Variants in DBP observed in about 807,000 individuals in gnomAD.
DBP encodes D-box binding PAR bZIP transcription factor.
In DBP, 12 loss-of-function variants were observed where a neutral mutation model predicts 21.4. The ratio of observed to expected loss-of-function variants is 0.56; its 90% confidence interval spans 0.36 to 0.91. The LOEUF (loss-of-function observed/expected upper bound fraction) is 0.91, where lower values mean the gene tolerates loss of function less well. Among genes scored for constraint, DBP ranks in the 40% least tolerant of loss-of-function variants. The probability of loss-of-function intolerance (pLI) is 0.01; values close to 1 mark genes in which losing one functional copy is unlikely to be tolerated. For missense variants in DBP, 423 were observed against 473.4 expected (o/e 0.89, Z 0.99); for synonymous variants, 213 against 224.9 (o/e 0.95, Z 0.47).
intron 3 of DBP, chr19:48,632,538 T>C (rs2030637240): frequency 1.3e-5 from 2 of 152,174 alleles, no homozygotes; most frequent in African/African-American, 4.8e-5. Flanking sequence ...GTGCTAGGAT[T>C]ACAGGCGTGA....
Position 48,630,202 on chromosome 19 carries a change from G to C in DBP, c.*635C>G, listed in dbSNP as rs1568437585. The C allele has an allele frequency of 2.4e-6, 3 of 1,253,856 alleles. No individual in the cohort carries two copies. The highest frequency in any genetic ancestry group is 1.5e-5 in the African/African-American group (1 of 64,618). 77.7% of individuals were successfully genotyped at this position (1,253,856 alleles called of 1,614,324 possible). ...CCCGCAGCCTCGCCCCATCCACTCC[G>C]GTGCCTCCATTTAGCTGGCCAATCA... On this transcript the variant is annotated 3_prime_UTR_variant, in exon 4 of 4. Transcript: ENST00000222122. The surrounding 1 kb of genome is among the most constrained non-coding windows in gnomAD (Gnocchi z 4.9).
chr19:48,634,212 G>C (rs1260275524), intron 2 of DBP: 1 of 160,752 alleles, frequency 6.2e-6, no homozygotes, highest in African/African-American at 2.4e-5. Flanking sequence ...AGTCATAACT[G>C]ACTTGCCCTA....
At position 48,630,689 on chromosome 19, in the gene DBP, T is replaced by C. The variant is rs1407747673; in HGVS notation, c.*148A>G. 7.0e-7 allele frequency: 1 copy of C among 1,421,376 alleles called. No homozygotes were observed. The highest frequency in any genetic ancestry group is 2.7e-5 in the Admixed American group (1 of 36,470). The allele number at this position is 1,421,376 out of a possible 1,614,324, so 88.0% of individuals were successfully genotyped here. ...CAAGGGAGGGGGGAGGCTCGCTTTT[T>C]CTTAAAAATATAAATGTATTTATCT... On this transcript the variant is annotated 3_prime_UTR_variant, in exon 4 of 4. Coordinates refer to ENST00000222122, the MANE Select transcript of DBP (RefSeq NM_001352.5). The surrounding 1 kb of genome is among the most constrained non-coding windows in gnomAD (Gnocchi z 4.9).
Position 48,630,071 on chromosome 19 carries a change from T to G in DBP, c.*766A>C. 7.8e-7 allele frequency: 1 copy of G among 1,280,216 alleles called. No homozygotes were observed. The highest frequency in any genetic ancestry group is 9.9e-7 in the Non-Finnish European group (1 of 1,013,542). The allele number at this position is 1,280,216 out of a possible 1,614,324, so 79.3% of individuals were successfully genotyped here. On this transcript the variant is annotated 3_prime_UTR_variant, in exon 4 of 4. Transcript: ENST00000222122. The surrounding 1 kb of genome is among the most constrained non-coding windows in gnomAD (Gnocchi z 4.9). ...AGTCCTGACGCTTGCCACCTGCTCC[T>G]ACCCGGCCAGGATGGCTGAGGGCGG... is the stretch of plus-strand genomic sequence containing the variant.
intron 2 of DBP, chr19:48,635,243 C>T: frequency 8.6e-7 from 1 of 1,169,162 alleles, no homozygotes; most frequent in Non-Finnish European, 1.1e-6. Flanking sequence ...TCAGTCCACT[C>T]CCCAGTAAAT....
chr19:48,630,691 T>C lies in DBP; in HGVS notation c.*146A>G. On this transcript the variant is annotated 3_prime_UTR_variant, in exon 4 of 4. Coordinates refer to ENST00000222122, the MANE Select transcript of DBP (RefSeq NM_001352.5). The surrounding 1 kb of genome is among the most constrained non-coding windows in gnomAD (Gnocchi z 4.9). ...AGGGAGGGGGGAGGCTCGCTTTTTCTTAAAAATATAAATGTATTTATCTGC... is the reference window on the plus strand; with the variant it reads ...AGGGAGGGGGGAGGCTCGCTTTTTCCTAAAAATATAAATGTATTTATCTGC... The C allele has an allele frequency of 7.0e-7, 1 of 1,420,794 alleles. No individual in the cohort carries two copies. Among genetic ancestry groups the C allele is most frequent in the Non-Finnish European group, 9.3e-7 (1 of 1,078,344 alleles). The allele number at this position is 1,420,794 out of a possible 1,614,324, so 88.0% of individuals were successfully genotyped here.
At chr19:48,632,813 C>T (rs2030646985) in intron 3 of DBP, 1 of 158,942 alleles carries the variant, frequency 6.3e-6, no homozygotes, top group Non-Finnish European at 1.4e-5. Flanking sequence ...AAGGAAGTCC[C>T]ACATCAGAGA....
chr19:48,635,878 T>C lies in DBP; in HGVS notation c.252A>G (p.Gly84=). The C allele has an allele frequency of 7.1e-7, 1 of 1,400,656 alleles. No homozygotes were observed. Among genetic ancestry groups the C allele is most frequent in the South Asian group, 1.5e-5 (1 of 64,596 alleles). 86.8% of individuals were successfully genotyped at this position (1,400,656 alleles called of 1,614,324 possible). ...ADAPAGAVVG[G]GSPRGRPGPV... ...GCCCCGGGCGCCCCCGCGGGGACCC[T>C]CCGCCCACCACTGCCCCAGCCGGGG... Residue 84 remains glycine (G), a synonymous_variant, in exon 2 of 4, where the codon GGA becomes GGG. Coordinates refer to ENST00000222122, the MANE Select transcript of DBP (RefSeq NM_001352.5).
intron 3 of DBP, 164 bp downstream of exon 3, chr19:48,633,280 C>G (rs947677581): frequency 5.4e-6 from 4 of 746,636 alleles, no homozygotes; most frequent in Non-Finnish European, 9.4e-6. Context: ...GCCCCTGCCC[C>G]CTTGTGCCCC....
At position 48,630,844 on chromosome 19, in the gene DBP, G is replaced by A; in HGVS notation, c.971C>T (p.Ala324Val). ...TGGGGATGTGGGGCAGCCTCACAGG[G>A]CCCCGTGCTGGGCCTGGTATCGGGA... Reference protein sequence around the residue: ...VLSRYQAQHGAL With the variant: ...VLSRYQAQHGVL Residue 324 changes from alanine to valine, a missense_variant, in exon 4 of 4, where the codon GCC (alanine) becomes GTC (valine). Physicochemically the swap from Ala to Val is moderately conservative, Grantham distance 64. Coordinates refer to ENST00000222122, the MANE Select transcript of DBP (RefSeq NM_001352.5). This position sits in a 1 kb window ranked among gnomAD's most constrained non-coding sequence, Gnocchi z 4.9. The A allele has an allele frequency of 6.3e-7, 1 of 1,591,904 alleles. No individual in the cohort carries two copies. The highest frequency in any genetic ancestry group is 1.1e-5 in the South Asian group (1 of 88,470).
chr19:48,633,569 C>G lies in DBP; in HGVS notation c.637G>C (p.Ala213Pro). The change falls in exon 3 of 4, where the codon GCC becomes CCC. Residue 213 changes from alanine (A) to proline (P), a missense_variant. Around this residue, in one of 4 missense-constraint regions of DBP, gnomAD observed 77 missense variants for 97.1 expected, o/e 0.79. Coordinates refer to ENST00000222122, the MANE Select transcript of DBP (RefSeq NM_001352.5). ...MTFEPDPADL[A>P]LSSIPGHETF... The stretch of plus-strand genomic sequence containing the variant: ...TCGTGGCCAGGAATGCTTGATAGGG[C>G]AAGATCAGCTGGGTCGGGTTCAAAG... 1 of 1,614,152 alleles carries G rather than the reference C, an allele frequency of 6.2e-7. No homozygotes were observed. The highest frequency in any genetic ancestry group is 8.5e-7 in the Non-Finnish European group (1 of 1,180,030).
chr19:48,632,812 C>T (rs1354716070), intron 3 of DBP: 1 of 158,770 alleles, frequency 6.3e-6, no homozygotes, highest in Non-Finnish European at 1.4e-5. Flanking sequence ...AAAGGAAGTC[C>T]CACATCAGAG....
intron 2 of DBP, 44 bp from the exon 3 acceptor site, chr19:48,633,699 G>A (rs752772726): frequency 1.9e-6 from 3 of 1,553,860 alleles, no homozygotes; most frequent in East Asian, 2.2e-5. Context: ...ATTTTAAGGA[G>A]GGGGTTTCCT....
intron 1 of DBP, among the ~76,000 whole-genome samples, chr19:48,636,219 G>A (rs916987830): frequency 1.3e-5 from 2 of 152,122 alleles, no homozygotes; most frequent in African/African-American, 4.8e-5. Flanking sequence ...CAGAGATGGG[G>A]ACAGAATGCC....
At position 48,635,833 on chromosome 19, in the gene DBP, C is replaced by G; in HGVS notation, c.297G>C (p.Leu99=). 7.0e-7 allele frequency: 1 copy of G among 1,422,032 alleles called. No homozygotes were observed. Among genetic ancestry groups the G allele is most frequent in the Non-Finnish European group, 9.1e-7 (1 of 1,097,214 alleles). The allele number at this position is 1,422,032 out of a possible 1,614,324, so 88.1% of individuals were successfully genotyped here. The change falls in exon 2 of 4, where the codon CTG becomes CTC. Residue 99 remains leucine (L), a synonymous_variant. Coordinates refer to ENST00000222122, the MANE Select transcript of DBP (RefSeq NM_001352.5). ...GRPGPVPAPG[L]LAPLLWERTL... is the part of the protein sequence containing the mutation. ...TGCGCTCCCACAGCAGTGGCGCCAA[C>G]AGACCCGGGGCGGGCACCGGCCCCG...
At chr19:48,635,488 G>A in intron 2 of DBP, 92 bp downstream of exon 2, 11 of 1,480,000 alleles carry the variant, frequency 7.4e-6, no homozygotes, top group Non-Finnish European at 9.9e-6. Context: ...CCGCAGCCAG[G>A]TCCCACGGTC....
chr19:48,634,750 G>C (rs2030721940), intron 2 of DBP: 2 of 985,440 alleles, frequency 2.0e-6, no homozygotes, highest in South Asian at 9.4e-5. Flanking sequence ...TCGGCCCGGA[G>C]GTCGGACCTG....
At position 48,637,032 on chromosome 19, in the gene DBP, G is replaced by C; in HGVS notation, c.-38C>G. ...GCCCCCAGGCTCACGGGTTCATGGA[G>C]AGGCGAAGGGCTGGCCTGCCAGTCA... On this transcript the variant is annotated 5_prime_UTR_variant, in exon 1 of 4. Coordinates refer to ENST00000222122, the MANE Select transcript of DBP (RefSeq NM_001352.5). The C allele has an allele frequency of 6.9e-7, 1 of 1,451,046 alleles. No individual in the cohort carries two copies. The highest frequency in any genetic ancestry group is 9.0e-7 in the Non-Finnish European group (1 of 1,106,488). The allele number at this position is 1,451,046 out of a possible 1,614,324, so 89.9% of individuals were successfully genotyped here.
intron 1 of DBP, among the ~76,000 whole-genome samples, 197 bp downstream of exon 1, chr19:48,636,659 G>A (rs1461685907): frequency 6.6e-6 from 1 of 152,124 alleles, no homozygotes; most frequent in African/African-American, 2.4e-5. Context: ...CCTTAGGGTG[G>A]ACGGGCTTCA....
Sources: gnomAD v4.1 joint callset for allele counts (sites outside exome capture counted in the v4.1 genomes callset) on GRCh38, gnomAD v4.1.1 for gene constraint, gnomAD v4.1.1 regional missense constraint, Gnocchi (gnomAD v3.1) non-coding constraint, MANE v1.5 for transcripts, NCBI Gene and HGNC (gene_info 2026-07-23, HGNC 2026-07-21) for gene names.